Variants in GLYR1 observed in about 807,000 individuals in gnomAD.
GLYR1 encodes the protein cytokine-like nuclear factor N-PAC.
In GLYR1, 21 loss-of-function variants were observed where a neutral mutation model predicts 72.7. The observed-to-expected ratio is 0.29, with a 90% CI of 0.20 to 0.42. GLYR1 has a LOEUF of 0.42. GLYR1 is among the 10% of genes least tolerant of loss of function. The pLI is 1.00. For missense variants in GLYR1, 594 were observed against 712.1 expected, an observed-to-expected ratio of 0.83 and a Z score of 1.89; for synonymous variants, 392 against 270.2, an observed-to-expected ratio of 1.45 and a Z score of -4.42.
intron 7 of GLYR1, among the ~76,000 whole-genome samples, chr16:4,821,903 C>G (rs1222130401): frequency 6.6e-6 from 1 of 152,212 alleles, no homozygotes; most frequent in African/African-American, 2.4e-5. Context: ...TCAGGCCACC[C>G]CATAACCTTG....
At position 4,843,756 on chromosome 16, in the gene GLYR1, G is replaced by C. The variant is rs13337114; in HGVS notation, c.155+1318C>G. ...CACAGACATTTTTTTCAAATCTAAGGCTGTATTTTCCTATAAGAATAATAA... is the reference window on the plus strand; with the variant it reads ...CACAGACATTTTTTTCAAATCTAAGCCTGTATTTTCCTATAAGAATAATAA... On this transcript the variant is annotated intron_variant, in intron 3 of 15. Transcript: ENST00000321919. 1,171 of 650,202 alleles carry C rather than the reference G, an allele frequency of 1.8e-3. 12 individuals carry two copies. In the African/African-American group the frequency reaches 0.021, roughly 12 times the overall value. 40.3% of individuals were successfully genotyped at this position (650,202 alleles called of 1,614,324 possible).
intron 3 of GLYR1, 86 bp downstream of exon 3, chr16:4,844,988 G>T (rs763184719): frequency 4.6e-6 from 4 of 867,772 alleles, no homozygotes; most frequent in Non-Finnish European, 7.7e-6. Flanking sequence ...CTGAACTAAG[G>T]ATCCTTAGAA....
chr16:4,818,993 G>A (rs7194170), intron 9 of GLYR1, among the ~76,000 whole-genome samples: 11,899 of 152,156 alleles, frequency 0.078, 568 homozygotes, highest in African/African-American at 0.14. Flanking sequence ...AGAGCTGGGG[G>A]CTGGATGCCA....
intron 1 of GLYR1, 96 bp downstream of exon 1, chr16:4,847,132 G>T (rs1014355995): frequency 1.7e-6 from 2 of 1,150,622 alleles, no homozygotes; most frequent in African/African-American, 1.6e-5. Flanking sequence ...GCGACCTGGA[G>T]CGCATAAAAA....
intron 15 of GLYR1, among the ~76,000 whole-genome samples, chr16:4,808,300 CAAAAGAACAGT>C (rs2083118317): frequency 6.7e-6 from 1 of 148,670 alleles, no homozygotes; most frequent in Non-Finnish European, 1.5e-5. Context: ...AGCCAGGTGT[CAAAAGAACAGT>C]ACTGGCTGGG....
intron 15 of GLYR1, among the ~76,000 whole-genome samples, chr16:4,806,261 C>T (rs2082961937): frequency 6.6e-6 from 1 of 152,160 alleles, no homozygotes; most frequent in Admixed American, 6.5e-5. Flanking sequence ...GTTGAGAAAC[C>T]CTGCCTTAAA....
intron 5 of GLYR1, among the ~76,000 whole-genome samples, chr16:4,829,908 G>A (rs1008390741): frequency 6.6e-6 from 1 of 152,066 alleles, no homozygotes; most frequent in African/African-American, 2.4e-5. Context: ...CCCGACCTGA[G>A]GTGAACCACC....
chr16:4,818,284 T>C (rs1406158196), intron 9 of GLYR1, among the ~76,000 whole-genome samples: 1 of 151,862 alleles, frequency 6.6e-6, no homozygotes, highest in Non-Finnish European at 1.5e-5. Flanking sequence ...TGAGCCACCA[T>C]GCCCGGCCTC....
chr16:4,826,820 G>C (rs2084410027), intron 5 of GLYR1, among the ~76,000 whole-genome samples: 1 of 152,090 alleles, frequency 6.6e-6, no homozygotes, highest in African/African-American at 2.4e-5. Context: ...TTGTGGCTGG[G>C]GCAGCACAGC....
At chr16:4,812,666 G>GT (rs2083386963) in intron 12 of GLYR1, among the ~76,000 whole-genome samples, 2 of 139,164 alleles carry the variant, frequency 1.4e-5, no homozygotes, top group African/African-American at 5.4e-5. Flanking sequence ...CTAATTTTTT[G>GT]TATTTTTAGT....
chr16:4,816,882 G>A (rs2083672741), intron 10 of GLYR1, among the ~76,000 whole-genome samples: 2 of 151,620 alleles, frequency 1.3e-5, no homozygotes, highest in Admixed American at 1.3e-4. Flanking sequence ...AGCTACTTGG[G>A]AGTCTGAGGC....
At chr16:4,824,689 C>A (rs1596349945) in intron 5 of GLYR1, among the ~76,000 whole-genome samples, 3 of 152,120 alleles carry the variant, frequency 2.0e-5, no homozygotes, top group East Asian at 1.9e-4. Context: ...GAGACGGACA[C>A]AGGAGGACAT....
intron 7 of GLYR1, among the ~76,000 whole-genome samples, 196 bp downstream of exon 7, chr16:4,822,679 G>A (rs764337752): frequency 3.3e-5 from 5 of 152,180 alleles, no homozygotes; most frequent in Non-Finnish European, 2.9e-5. Flanking sequence ...GTGAGCCACC[G>A]CGCCCGGCCT....
chr16:4,816,370 T>C (rs1253886714), intron 10 of GLYR1, among the ~76,000 whole-genome samples: 2 of 152,126 alleles, frequency 1.3e-5, no homozygotes, highest in Non-Finnish European at 2.9e-5. Flanking sequence ...CTCAAATTCC[T>C]GGACTCAAGC....
At chr16:4,842,856 C>T (rs2085665923) in intron 3 of GLYR1, among the ~76,000 whole-genome samples, 1 of 152,132 alleles carries the variant, frequency 6.6e-6, no homozygotes, top group Non-Finnish European at 1.5e-5. Flanking sequence ...TGCACCACCA[C>T]ACCCGACTAA....
intron 3 of GLYR1, chr16:4,839,928 T>TC (rs756414679): frequency 6.6e-6 from 1 of 152,146 alleles, no homozygotes. Context: ...CGGAGGACAC[T>TC]CCACTGGGTC....
chr16:4,803,542 GACTA>G lies in GLYR1; in HGVS notation c.*1690_*1693del, dbSNP rs1415562656. The G allele has an allele frequency of 6.6e-6, 1 of 152,548 alleles. No homozygotes were observed. 9.4% of individuals were successfully genotyped at this position (152,548 alleles called of 1,614,324 possible). A position where few individuals can be genotyped will look rare whatever the true frequency, so the allele number is the denominator to read the frequency against. On this transcript the variant is annotated 3_prime_UTR_variant, in exon 16 of 16. Transcript: ENST00000321919. ...TTGTCAACAATATTAAGACAAAATT[GACTA>G]ACCGGTTTCATTACCGCATCTTCCC... is the stretch of plus-strand genomic sequence containing the variant.
chr16:4,833,079 G>A (rs1315986775), intron 3 of GLYR1, 167 bp from the exon 4 acceptor site: 5 of 507,036 alleles, frequency 9.9e-6, no homozygotes, highest in Non-Finnish European at 1.7e-5. Flanking sequence ...AGAGTCTTAT[G>A]TCTAAAGTAT....
intron 3 of GLYR1, 88 bp from the exon 4 acceptor site, chr16:4,833,000 TC>T: frequency 7.7e-7 from 1 of 1,305,050 alleles, no homozygotes; most frequent in Non-Finnish European, 1.0e-6. Flanking sequence ...GGTGTAAATA[TC>T]CATTTGGTTT....
Sources: allele counts gnomAD v4.1 joint callset (sites outside exome capture counted in the v4.1 genomes callset), GRCh38; gene constraint gnomAD v4.1.1; transcripts MANE v1.5; gene names NCBI Gene and HGNC (gene_info 2026-07-23, HGNC 2026-07-21).